CAMTA1: variants seen among roughly 807,000 people sequenced by gnomAD.
CAMTA1 encodes calmodulin-binding transcription activator 1.
A neutral mutation model predicts 170.9 loss-of-function variants in CAMTA1; 27 were observed. The observed-to-expected ratio is 0.16, with a 90% CI of 0.12 to 0.22. CAMTA1 has a LOEUF of 0.22. Ranked by LOEUF, CAMTA1 falls within the 10% of genes least tolerant of loss-of-function variation. The pLI, the probability that CAMTA1 is intolerant of heterozygous loss-of-function variation, is 1.00. For missense variants in CAMTA1, 1,619 were observed against 2,217.2 expected, an observed-to-expected ratio of 0.73 and a Z score of 5.42; for synonymous variants, 833 against 891.5, an observed-to-expected ratio of 0.93 and a Z score of 1.17.
At chr1:7,688,191 T>TACAG (rs5772286) in intron 11 of CAMTA1, among the ~76,000 whole-genome samples, 73,164 of 150,896 alleles carry the variant, frequency 0.48, 17,884 homozygotes, top group East Asian at 0.65. Context: ...GTATTTTTAG[T>TACAG]ACAGAGTTTC....
chr1:7,332,482 G>A (rs1298502007), intron 5 of CAMTA1, among the ~76,000 whole-genome samples: 4 of 152,144 alleles, frequency 2.6e-5, no homozygotes, highest in Admixed American at 1.3e-4. Flanking sequence ...CACCTAACTC[G>A]CTCTGAAGAA....
intron 7 of CAMTA1, among the ~76,000 whole-genome samples, chr1:7,654,683 GCACACAAACACCCCTATA>G (rs1558062132): frequency 2.6e-5 from 3 of 115,278 alleles, no homozygotes; most frequent in African/African-American, 1.0e-4. Flanking sequence ...CACACTCCAT[GCACACAAACACCCCTATA>G]CACACAAACA....
chr1:7,103,503 TACAC>T (rs1193836460), intron 4 of CAMTA1, among the ~76,000 whole-genome samples: 1 of 133,046 alleles, frequency 7.5e-6, no homozygotes, highest in Non-Finnish European at 1.6e-5. Flanking sequence ...ACAACACAGA[TACAC>T]ACTACACACG....
rs562127916 is a variant in CAMTA1, at chr1:7,664,428, C to A, written c.1881C>A (p.Val627=). The change falls in exon 9 of 23, where the codon GTC becomes GTA. Residue 627 remains valine, a synonymous_variant. Transcript: ENST00000303635. The stretch of plus-strand genomic sequence containing the variant: ...AGGACGCCAGCAAACCCCTCCCCGT[C>A]GAGCAGAACACCCACAGCAGCCTGA... ...FLQDASKPLP[V]EQNTHSSLSD... The A allele has an allele frequency of 6.2e-7, 1 of 1,613,514 alleles. No homozygotes were observed. Among genetic ancestry groups the A allele is most frequent in the Non-Finnish European group, 8.5e-7 (1 of 1,179,970 alleles).
At chr1:6,850,382 G>A (rs1333660396) in intron 3 of CAMTA1, among the ~76,000 whole-genome samples, 1 of 152,084 alleles carries the variant, frequency 6.6e-6, no homozygotes, top group Non-Finnish European at 1.5e-5. Flanking sequence ...AATAACTGAA[G>A]GTTTCTGGTT....
chr1:6,991,748 G>T (rs894411120), intron 3 of CAMTA1, among the ~76,000 whole-genome samples: 2 of 152,180 alleles, frequency 1.3e-5, no homozygotes, highest in Admixed American at 6.5e-5. Flanking sequence ...GCCCAGGGTG[G>T]AGTGCAGTGG....
Position 6,885,087 on chromosome 1 carries a change from T to A in CAMTA1, c.234+59877T>A, listed in dbSNP as rs1672832863. 5.3e-5 allele frequency among the ~76,000 whole-genome samples: 8 copies of A among 152,240 alleles called. No homozygotes were observed. The South Asian group carries it at 1.7e-3, about 31-fold the overall frequency. ...AAGCAAGAAATTAAAAGAACATTAA[T>A]GGCTTTCTTGTAATTTGTTTTGAGG... On this transcript the variant is annotated intron_variant, in intron 3 of 22. Transcript: ENST00000303635.
Position 7,562,715 on chromosome 1 carries a change from A to G in CAMTA1, c.511-77685A>G, listed in dbSNP as rs2094975231. 1.3e-5 allele frequency among the ~76,000 whole-genome samples: 2 copies of G among 152,110 alleles called. No individual in the cohort carries two copies. The highest frequency in any genetic ancestry group is 4.2e-4 in the South Asian group (2 of 4,816). On this transcript the variant is annotated intron_variant, in intron 6 of 22. Transcript: ENST00000303635. This position sits in a 1 kb window ranked among gnomAD's most constrained non-coding sequence, Gnocchi z 4.8. ...GCAGCTGGCACGGAGATGCTGGGAG[A>G]AGGGTCTGATATTTCCCGCATCTGC... is the stretch of plus-strand genomic sequence containing the variant.
At chr1:6,897,285 T>C (rs1304844995) in intron 3 of CAMTA1, among the ~76,000 whole-genome samples, 2 of 152,136 alleles carry the variant, frequency 1.3e-5, no homozygotes, top group African/African-American at 2.4e-5. Context: ...GACCAACATA[T>C]GGATGGTCTT....
Position 7,743,068 on chromosome 1 carries a change from G to A in CAMTA1, c.4183-1767G>A, listed in dbSNP as rs58739370. On this transcript the variant is annotated intron_variant, in intron 16 of 22. Transcript: ENST00000303635. ...GGGTTTCGCCATATTGCCCAGGCTG[G>A]GCTTGAACTCCTGAGCTCAGGCGAT... 4.3e-3 allele frequency among the ~76,000 whole-genome samples: 653 copies of A among 152,250 alleles called. 2 individuals carry two copies. Among genetic ancestry groups the A allele is most frequent in the African/African-American group, 0.015 (618 of 41,530 alleles).
intron 6 of CAMTA1, among the ~76,000 whole-genome samples, chr1:7,605,972 T>G (rs1189360476): frequency 6.6e-6 from 1 of 152,210 alleles, no homozygotes; most frequent in African/African-American, 2.4e-5. Flanking sequence ...CCCTTGGATC[T>G]GTGGCTCCAT....
At chr1:7,679,547 C>T (rs180836903) in intron 11 of CAMTA1, among the ~76,000 whole-genome samples, 98 of 150,550 alleles carry the variant, frequency 6.5e-4, no homozygotes, top group South Asian at 1.5e-3. Context: ...ATGGGCCTGC[C>T]GCCAAGCTGG....
At chr1:6,816,384 G>A (rs899335331) in intron 1 of CAMTA1, among the ~76,000 whole-genome samples, 1 of 152,180 alleles carries the variant, frequency 6.6e-6, no homozygotes, top group Admixed American at 6.5e-5. Context: ...GTTCAGTGCT[G>A]TGTCCCAGCT....
intron 1 of CAMTA1, among the ~76,000 whole-genome samples, chr1:6,795,296 T>C (rs114644819): frequency 0.015 from 2,309 of 152,204 alleles, 61 homozygotes; most frequent in African/African-American, 0.052. Context: ...GAAATGATCC[T>C]CCTGCCTCAG....
chr1:7,736,551 G>A lies in CAMTA1; in HGVS notation c.3263+11G>A. 2 of 1,612,770 alleles carry A rather than the reference G, an allele frequency of 1.2e-6. No homozygotes were observed. Among genetic ancestry groups the A allele is most frequent in the Admixed American group, 1.7e-5 (1 of 60,014 alleles). On this transcript the variant is annotated intron_variant, in intron 13 of 22. Coordinates refer to ENST00000303635, the MANE Select transcript of CAMTA1 (RefSeq NM_015215.4). This position sits in a 1 kb window ranked among gnomAD's most constrained non-coding sequence, Gnocchi z 4.5. Reference sequence around the variant, plus strand: ...CCTCATCAAATGGCGGTAAGGCTGTGGTGCAGCTGGCTGGGGGTCAGCCTC... The same window carrying A: ...CCTCATCAAATGGCGGTAAGGCTGTAGTGCAGCTGGCTGGGGGTCAGCCTC...
intron 6 of CAMTA1, among the ~76,000 whole-genome samples, chr1:7,605,504 T>C (rs151211822): frequency 0.011 from 1,714 of 152,366 alleles, 23 homozygotes; most frequent in African/African-American, 0.038. Flanking sequence ...TATAATCTCC[T>C]GGTGTGCCGT....
chr1:7,419,944 C>A (rs945520343), intron 5 of CAMTA1, among the ~76,000 whole-genome samples: 1 of 152,166 alleles, frequency 6.6e-6, no homozygotes, highest in African/African-American at 2.4e-5. Flanking sequence ...CTCCACCATC[C>A]CGCCCTCCAT....
At chr1:7,307,172 A>G (rs531319227) in intron 5 of CAMTA1, among the ~76,000 whole-genome samples, 61 of 152,094 alleles carry the variant, frequency 4.0e-4, no homozygotes, top group African/African-American at 1.3e-3. Flanking sequence ...TATATTTTTT[A>G]TTAGGTTTTT....
intron 4 of CAMTA1, among the ~76,000 whole-genome samples, chr1:7,232,878 A>C (rs1239761772): frequency 6.6e-6 from 1 of 152,026 alleles, no homozygotes; most frequent in Non-Finnish European, 1.5e-5. Flanking sequence ...CACAAAATGA[A>C]TATTGCCTTG....
Sources: allele counts gnomAD v4.1 joint callset (sites outside exome capture counted in the v4.1 genomes callset), GRCh38; gene constraint gnomAD v4.1.1; non-coding constraint Gnocchi (gnomAD v3.1); transcripts MANE v1.5; gene names NCBI Gene and HGNC (gene_info 2026-07-23, HGNC 2026-07-21).